The following NEK1 variants were observed in gnomAD, a reference collection of about 807,000 sequenced individuals.
NEK1 encodes NIMA related kinase 1.
A neutral mutation model predicts 182.1 loss-of-function variants in NEK1; 137 were observed. The observed-to-expected ratio is 0.75, with a 90% CI of 0.65 to 0.87. The LOEUF is 0.87. Among genes scored for constraint, NEK1 ranks in the 40% least tolerant of loss-of-function variants. The pLI, the probability that NEK1 is intolerant of heterozygous loss-of-function variation, is 0.00. For missense variants in NEK1, 1,391 were observed against 1,494.4 expected (o/e 0.93, Z 1.14); for synonymous variants, 513 against 492.2 (o/e 1.04, Z -0.56).
intron 31 of NEK1, among the ~76,000 whole-genome samples, chr4:169,417,464 G>A (rs910325026): frequency 2.6e-5 from 4 of 152,198 alleles, no homozygotes; most frequent in African/African-American, 9.6e-5. Flanking sequence ...ACAGAATTAG[G>A]AAGAGAAGTT....
intron 31 of NEK1, among the ~76,000 whole-genome samples, chr4:169,415,374 G>A (rs1734366249): frequency 6.6e-6 from 1 of 152,124 alleles, no homozygotes; most frequent in African/African-American, 2.4e-5. Flanking sequence ...GAAAACTCCA[G>A]TAGAGAAATC....
At chr4:169,412,866 T>C (rs776780081) in intron 31 of NEK1, among the ~76,000 whole-genome samples, 1 of 119,648 alleles carries the variant, frequency 8.4e-6, no homozygotes, top group Non-Finnish European at 1.6e-5. Context: ...TCTGCTGGAA[T>C]AAGACTGAGA....
chr4:169,582,946 T>C (rs1439026341), intron 10 of NEK1, among the ~76,000 whole-genome samples: 1 of 152,026 alleles, frequency 6.6e-6, no homozygotes, highest in Non-Finnish European at 1.5e-5. Flanking sequence ...AACTTACCCA[T>C]GGTTTTTCAA....
chr4:169,544,307 G>A (rs954830728), intron 18 of NEK1, among the ~76,000 whole-genome samples: 1 of 152,174 alleles, frequency 6.6e-6, no homozygotes, highest in Non-Finnish European at 1.5e-5. Context: ...TTGCCTCCCA[G>A]GGATGAAGCC....
chr4:169,558,159 TATC>T (rs1429734334), intron 16 of NEK1, among the ~76,000 whole-genome samples: 4 of 152,180 alleles, frequency 2.6e-5, no homozygotes, highest in Non-Finnish European at 4.4e-5. Flanking sequence ...CCAATGCTAA[TATC>T]ATCTTAACTT....
At chr4:169,486,733 G>A (rs774022495) in intron 23 of NEK1, among the ~76,000 whole-genome samples, 1 of 152,208 alleles carries the variant, frequency 6.6e-6, no homozygotes, top group Non-Finnish European at 1.5e-5. Flanking sequence ...GTAGCCAGAA[G>A]CAATGAGTGT....
intron 35 of NEK1, among the ~76,000 whole-genome samples, chr4:169,397,016 A>G (rs1354547503): frequency 1.3e-5 from 2 of 152,154 alleles, no homozygotes; most frequent in Non-Finnish European, 2.9e-5. Context: ...GGACAGCTTC[A>G]GGCCAGGAGT....
intron 18 of NEK1, chr4:169,554,048 T>C (rs1033880855): frequency 1.3e-5 from 2 of 152,194 alleles, no homozygotes; most frequent in African/African-American, 4.8e-5. Flanking sequence ...CAAATGTTTG[T>C]AGAAGCTTTA....
intron 19 of NEK1, among the ~76,000 whole-genome samples, chr4:169,526,332 T>C (rs1324788173): frequency 3.3e-5 from 5 of 151,942 alleles, no homozygotes; most frequent in Non-Finnish European, 7.4e-5. Context: ...TACAAAAAGA[T>C]TAAAAAATTA....
intron 26 of NEK1, among the ~76,000 whole-genome samples, chr4:169,472,157 TACAAAAAAC>T (rs1746097736): frequency 1.3e-5 from 2 of 149,930 alleles, no homozygotes; most frequent in African/African-American, 4.9e-5. Context: ...GCCACTGAGG[TACAAAAAAC>T]AAAAAAAACA....
chr4:169,549,798 C>T (rs565596930), intron 18 of NEK1, among the ~76,000 whole-genome samples: 9 of 152,244 alleles, frequency 5.9e-5, no homozygotes, highest in Non-Finnish European at 1.2e-4. Flanking sequence ...CAGCTCACTG[C>T]CACCTCCGCT....
In NEK1 at chr4:169,561,873, T is replaced by C; in HGVS notation, c.1099A>G (p.Arg367Gly). 1 of 1,607,656 alleles carries C rather than the reference T, an allele frequency of 6.2e-7. No homozygotes were observed. The highest frequency in any genetic ancestry group is 8.5e-7 in the Non-Finnish European group (1 of 1,177,862). ...KISEEAARKR[R>G]LEFIEKEKKQ... ...TTTTCTTTTTCAATAAATTCCAGCCTTCTCTTTCTTGCTGCTTCCTTAAAT... is the reference window on the plus strand; with the variant it reads ...TTTTCTTTTTCAATAAATTCCAGCCCTCTCTTTCTTGCTGCTTCCTTAAAT... The change falls in exon 14 of 36, where the codon AGG becomes GGG. Residue 367 changes from arginine (R) to glycine (G), a missense_variant. Arg to Gly is a moderately radical substitution (Grantham distance 125). This residue lies in a region of NEK1 where 1,216 missense variants were observed against 1,277.6 expected (regional missense o/e 0.95). Coordinates refer to ENST00000507142, the MANE Select transcript of NEK1 (RefSeq NM_001199397.3).
intron 23 of NEK1, among the ~76,000 whole-genome samples, chr4:169,484,281 C>T (rs962693664): frequency 3.3e-5 from 5 of 152,172 alleles, no homozygotes; most frequent in African/African-American, 9.7e-5. Flanking sequence ...CTCCTGACCC[C>T]GTGATCTGCC....
intron 33 of NEK1, 146 bp from the exon 34 acceptor site, chr4:169,400,797 A>G (rs866229405): frequency 2.1e-5 from 12 of 572,688 alleles, no homozygotes; most frequent in Middle Eastern, 9.5e-4. Flanking sequence ...TCATTTTAAT[A>G]TTTGTCCTTT....
intron 19 of NEK1, among the ~76,000 whole-genome samples, chr4:169,531,688 C>T (rs1757704829): frequency 6.6e-6 from 1 of 152,010 alleles, no homozygotes; most frequent in Non-Finnish European, 1.5e-5. Flanking sequence ...TAATTTTCTC[C>T]AGCAGTGTTC....
rs72691088 is a variant in NEK1 at position 169,491,920 on chromosome 4, T to C, written c.2008-12386A>G. ...TTCATGTGACAAAGTTAAATTGTTATCAGCTTAAAATAGTCTATTATTACT... is the reference window on the plus strand; with the variant it reads ...TTCATGTGACAAAGTTAAATTGTTACCAGCTTAAAATAGTCTATTATTACT... On this transcript the variant is annotated intron_variant, in intron 23 of 35. Coordinates refer to ENST00000507142, the MANE Select transcript of NEK1 (RefSeq NM_001199397.3). Among the ~76,000 whole-genome samples, 545 of 152,332 alleles carry C rather than the reference T, an allele frequency of 3.6e-3. 3 individuals carry two copies. Among genetic ancestry groups the C allele is most frequent in the South Asian group, 0.022 (104 of 4,828 alleles).
intron 35 of NEK1, among the ~76,000 whole-genome samples, chr4:169,397,833 GGCA>G (rs1368236984): frequency 6.6e-6 from 1 of 152,136 alleles, no homozygotes; most frequent in African/African-American, 2.4e-5. Flanking sequence ...CCACTTAAGG[GGCA>G]AGGCAAACTA....
intron 35 of NEK1, among the ~76,000 whole-genome samples, chr4:169,398,048 C>T (rs1731009795): frequency 6.6e-6 from 1 of 152,152 alleles, no homozygotes; most frequent in Admixed American, 6.5e-5. Flanking sequence ...TAACTTACAG[C>T]ATGACATATG....
intron 31 of NEK1, among the ~76,000 whole-genome samples, chr4:169,411,227 C>T (rs1051000697): frequency 6.6e-6 from 1 of 151,016 alleles, no homozygotes; most frequent in Non-Finnish European, 1.5e-5. Flanking sequence ...CCTAAGGCCA[C>T]ATTTTCCAGT....
Sources: allele counts gnomAD v4.1 joint callset (sites outside exome capture counted in the v4.1 genomes callset), GRCh38; gene constraint gnomAD v4.1.1; regional missense constraint gnomAD v4.1.1; transcripts MANE v1.5; gene names NCBI Gene and HGNC (gene_info 2026-07-23, HGNC 2026-07-21).